COL22A1: variants seen among roughly 807,000 people sequenced by gnomAD.
The protein encoded by COL22A1 is collagen type XXII alpha 1 chain.
Under a neutral mutation model 248.9 loss-of-function variants are expected in COL22A1, and 221 were observed. The ratio of observed to expected loss-of-function variants is 0.89; its 90% CI spans 0.80 to 0.99. The LOEUF (loss-of-function observed/expected upper bound fraction) is 0.99, where lower values mean the gene tolerates loss of function less well. COL22A1 is among the 50% of genes least tolerant of loss of function. The pLI, the probability that COL22A1 is intolerant of heterozygous loss-of-function variation, is 0.00. For missense variants in COL22A1, 2,240 were observed against 2,179.0 expected, an observed-to-expected ratio of 1.03 and a Z score of -0.56; for synonymous variants, 891 against 793.4, an observed-to-expected ratio of 1.12 and a Z score of -2.07.
At chr8:138,805,400 T>A (rs1050350265) in intron 10 of COL22A1, among the ~76,000 whole-genome samples, 2 of 109,144 alleles carry the variant, frequency 1.8e-5, no homozygotes, top group African/African-American at 6.3e-5. Context: ...TGATGGTATG[T>A]GTGATAGTGT....
At chr8:138,848,288 G>C (rs1821389577) in intron 3 of COL22A1, among the ~76,000 whole-genome samples, 1 of 152,096 alleles carries the variant, frequency 6.6e-6, no homozygotes, top group African/African-American at 2.4e-5. Context: ...TCACTCTCTA[G>C]GTAAGTGGAA....
chr8:138,713,203 G>A (rs1308313771), intron 30 of COL22A1, among the ~76,000 whole-genome samples: 2 of 152,102 alleles, frequency 1.3e-5, no homozygotes, highest in Non-Finnish European at 2.9e-5. Flanking sequence ...CCTATGTCTG[G>A]TGGACTCCTG....
chr8:138,634,785 A>C (rs1447157470), intron 49 of COL22A1, among the ~76,000 whole-genome samples: 3 of 152,184 alleles, frequency 2.0e-5, no homozygotes, highest in South Asian at 4.1e-4. Context: ...CCCCAGTCCC[A>C]ACATCACTCT....
At chr8:138,664,842 C>T (rs1363554203) in intron 41 of COL22A1, among the ~76,000 whole-genome samples, 1 of 152,202 alleles carries the variant, frequency 6.6e-6, no homozygotes, top group Admixed American at 6.5e-5. Flanking sequence ...CTTCTTTTCA[C>T]TGACAATCAA....
chr8:138,743,965 G>A (rs1831903418), intron 22 of COL22A1, among the ~76,000 whole-genome samples: 1 of 152,146 alleles, frequency 6.6e-6, no homozygotes, highest in Admixed American at 6.5e-5. Context: ...ATTCTAATAT[G>A]TGCCGTATGG....
chr8:138,871,402 G>A (rs1328169632), intron 3 of COL22A1, among the ~76,000 whole-genome samples: 2 of 152,122 alleles, frequency 1.3e-5, no homozygotes, highest in Non-Finnish European at 2.9e-5. Context: ...CCTGTTCCCC[G>A]GGCCTGGAAC....
intron 24 of COL22A1, among the ~76,000 whole-genome samples, 178 bp from the exon 25 acceptor site, chr8:138,724,846 C>T (rs866905477): frequency 3.9e-5 from 6 of 152,222 alleles, no homozygotes; most frequent in African/African-American, 7.2e-5. Context: ...GAAGTTGACA[C>T]GTCCGTGGCT....
chr8:138,609,019 C>G (rs1294904932), intron 56 of COL22A1, among the ~76,000 whole-genome samples: 1 of 152,220 alleles, frequency 6.6e-6, no homozygotes, highest in Non-Finnish European at 1.5e-5. Flanking sequence ...ATCCTTTAAC[C>G]AAGAGGTGTG....
intron 3 of COL22A1, among the ~76,000 whole-genome samples, chr8:138,865,176 A>G (rs1822766810): frequency 6.6e-6 from 1 of 152,206 alleles, no homozygotes; most frequent in Non-Finnish European, 1.5e-5. Flanking sequence ...CAGAGTTTTA[A>G]CAGAGTTTTT....
chr8:138,637,489 T>G (rs1372669114), intron 47 of COL22A1, among the ~76,000 whole-genome samples: 1 of 152,200 alleles, frequency 6.6e-6, no homozygotes, highest in Non-Finnish European at 1.5e-5. Context: ...AAAACAATGA[T>G]GCCTACCCTG....
intron 16 of COL22A1, among the ~76,000 whole-genome samples, chr8:138,765,109 C>A (rs1445955103): frequency 2.0e-5 from 3 of 152,194 alleles, no homozygotes; most frequent in Non-Finnish European, 4.4e-5. Context: ...TTGGCAGGCC[C>A]AAGCACCAAC....
intron 15 of COL22A1, 134 bp downstream of exon 15, chr8:138,778,219 A>C (rs1327171374): frequency 1.1e-6 from 1 of 902,302 alleles, no homozygotes; most frequent in Admixed American, 1.9e-5. Context: ...GAAAGGAGAT[A>C]CCAACACTTC....
chr8:138,731,878 T>C (rs1830736483), intron 23 of COL22A1, among the ~76,000 whole-genome samples: 1 of 152,200 alleles, frequency 6.6e-6, no homozygotes, highest in African/African-American at 2.4e-5. Context: ...ATAGCTACTG[T>C]TGAGTTTGGA....
At chr8:138,794,982 T>C (rs1308828778) in intron 12 of COL22A1, among the ~76,000 whole-genome samples, 1 of 152,182 alleles carries the variant, frequency 6.6e-6, no homozygotes, top group Non-Finnish European at 1.5e-5. Context: ...AGGGATCTGC[T>C]GTGCCACACC....
chr8:138,734,817 T>C (rs10093066), intron 23 of COL22A1, among the ~76,000 whole-genome samples: 64,125 of 152,078 alleles, frequency 0.42, 14,718 homozygotes, highest in African/African-American at 0.61. Context: ...AAAGGTAGCA[T>C]ATGGAAAACT....
At chr8:138,896,539 G>C (rs9644439) in intron 1 of COL22A1, among the ~76,000 whole-genome samples, 114,970 of 152,122 alleles carry the variant, frequency 0.76, 43,559 homozygotes, top group East Asian at 0.85. Flanking sequence ...AAAAATTGTT[G>C]AAGTAATCCA....
At chr8:138,701,477 C>G (rs1164903323) in intron 31 of COL22A1, among the ~76,000 whole-genome samples, 1 of 152,136 alleles carries the variant, frequency 6.6e-6, no homozygotes, top group Non-Finnish European at 1.5e-5. Context: ...GTCCCCAACC[C>G]CTGTCCCTTT....
intron 31 of COL22A1, among the ~76,000 whole-genome samples, chr8:138,701,144 G>A (rs566181133): frequency 7.2e-5 from 11 of 152,140 alleles, no homozygotes; most frequent in East Asian, 3.9e-4. Flanking sequence ...TTTAAATGTC[G>A]TGTCTTCACG....
chr8:138,669,486 C>T lies in COL22A1; in HGVS notation c.3151-5746G>A, dbSNP rs954642427. Among the ~76,000 whole-genome samples the T allele has an allele frequency of 5.3e-5, 8 of 152,194 alleles. No homozygotes were observed. In the South Asian group the frequency reaches 8.3e-4, roughly 16 times the overall value. Reference sequence around the variant, plus strand: ...CAGCCCAGCTCCTCCCACCATGCCACGAAGGAGGCTCCTGGAGCCACAGGG... The same window carrying T: ...CAGCCCAGCTCCTCCCACCATGCCATGAAGGAGGCTCCTGGAGCCACAGGG... On this transcript the variant is annotated intron_variant, in intron 41 of 64. Transcript: ENST00000303045.
Sources: allele counts gnomAD v4.1 joint callset (sites outside exome capture counted in the v4.1 genomes callset), GRCh38; gene constraint gnomAD v4.1.1; transcripts MANE v1.5; gene names NCBI Gene and HGNC (gene_info 2026-07-23, HGNC 2026-07-21).